Variants in CTNNA3 observed in about 807,000 individuals in gnomAD.
CTNNA3 encodes catenin alpha 3, also known as catenin alpha-3.
CTNNA3 carries 76 observed loss-of-function variants against 95.7 expected under a neutral mutation model. The observed-to-expected ratio is 0.79, with a 90% CI of 0.66 to 0.96. The LOEUF is 0.96. Ranked by LOEUF, CTNNA3 falls within the 40% of genes least tolerant of loss-of-function variation. The pLI is 0.00. For missense variants in CTNNA3, 1,191 were observed against 1,089.8 expected (o/e 1.09, Z -1.31); for synonymous variants, 431 against 374.4 (o/e 1.15, Z -1.74).
chr10:65,914,680 CA>C lies in CTNNA3; in HGVS notation c.*5649del, dbSNP rs982905506. On this transcript the variant is annotated 3_prime_UTR_variant, in exon 18 of 18. Transcript: ENST00000433211. ...TAAAAGAGGAAAGGATTGGTGTTAA[CA>C]AATGGTATTAACCAACCAATACTGA... 1 of 152,146 alleles carries C rather than the reference CA, an allele frequency of 6.6e-6. No individual in the cohort carries two copies. Among genetic ancestry groups the C allele is most frequent in the Non-Finnish European group, 1.5e-5 (1 of 68,024 alleles). The allele number at this position is 152,146 out of a possible 1,614,324, so 9.4% of individuals were successfully genotyped here. A position where few individuals can be genotyped will look rare whatever the true frequency, so the allele number is the denominator to read the frequency against.
intron 14 of CTNNA3, among the ~76,000 whole-genome samples, chr10:66,092,614 G>A (rs545572290): frequency 6.6e-6 from 1 of 152,080 alleles, no homozygotes; most frequent in African/African-American, 2.4e-5. Context: ...TAAGTAGCAA[G>A]TAAGTCACAT....
intron 1 of CTNNA3, among the ~76,000 whole-genome samples, chr10:67,714,650 C>G (rs1458087176): frequency 6.6e-6 from 1 of 152,148 alleles, no homozygotes; most frequent in East Asian, 1.9e-4. Context: ...GTTGAGAAGG[C>G]ATGACTGGTT....
chr10:66,276,507 G>T (rs1381372143), intron 13 of CTNNA3, among the ~76,000 whole-genome samples: 1 of 151,666 alleles, frequency 6.6e-6, no homozygotes. Flanking sequence ...TGTTTTAAGG[G>T]GTCTATAAAA....
At chr10:67,078,058 G>C (rs1390932076) in intron 7 of CTNNA3, among the ~76,000 whole-genome samples, 4 of 152,102 alleles carry the variant, frequency 2.6e-5, no homozygotes, top group Non-Finnish European at 5.9e-5. Flanking sequence ...ACAGACCAGG[G>C]TCATACTTGG....
At chr10:67,610,106 A>C (rs1203272168) in intron 2 of CTNNA3, among the ~76,000 whole-genome samples, 2 of 152,216 alleles carry the variant, frequency 1.3e-5, no homozygotes. Flanking sequence ...TCATTGTCTG[A>C]AGTGTTCCCT....
intron 1 of CTNNA3, among the ~76,000 whole-genome samples, chr10:67,722,564 G>A (rs1245603930): frequency 6.6e-6 from 1 of 152,102 alleles, no homozygotes; most frequent in Non-Finnish European, 1.5e-5. Flanking sequence ...AGTAGCTTGG[G>A]ACTGTATTGA....
intron 17 of CTNNA3, among the ~76,000 whole-genome samples, chr10:65,946,425 TTCTC>T (rs149739298): frequency 0.026 from 3,985 of 152,012 alleles, 153 homozygotes; most frequent in African/African-American, 0.09. Context: ...CTGTCTCTGT[TTCTC>T]TCTCTCTCAC....
chr10:66,125,291 G>A (rs1051111427), intron 13 of CTNNA3, among the ~76,000 whole-genome samples: 5 of 152,034 alleles, frequency 3.3e-5, no homozygotes, highest in African/African-American at 1.2e-4. Context: ...TTGTAGCATT[G>A]AGGTAAATTA....
intron 7 of CTNNA3, among the ~76,000 whole-genome samples, chr10:67,126,152 T>C (rs1859711624): frequency 6.6e-6 from 1 of 152,200 alleles, no homozygotes; most frequent in South Asian, 2.1e-4. Flanking sequence ...CATGAGAGGT[T>C]TCAGGACAGC....
At chr10:67,376,637 T>G (rs1843700345) in intron 5 of CTNNA3, among the ~76,000 whole-genome samples, 1 of 152,240 alleles carries the variant, frequency 6.6e-6, no homozygotes, top group South Asian at 2.1e-4. Context: ...TTCAGCTTTA[T>G]GTTATGCTAT....
At chr10:67,123,269 C>G (rs765089206) in intron 7 of CTNNA3, among the ~76,000 whole-genome samples, 2 of 152,072 alleles carry the variant, frequency 1.3e-5, no homozygotes, top group Non-Finnish European at 2.9e-5. Flanking sequence ...CAGGTCTCTG[C>G]ATTTAATTTG....
chr10:67,582,809 T>C (rs956322021), intron 3 of CTNNA3, among the ~76,000 whole-genome samples: 3 of 152,194 alleles, frequency 2.0e-5, no homozygotes, highest in African/African-American at 7.2e-5. Flanking sequence ...TTTACCATTA[T>C]ACAATGGCCT....
chr10:66,033,781 A>G (rs984504375), intron 15 of CTNNA3, among the ~76,000 whole-genome samples: 1 of 152,140 alleles, frequency 6.6e-6, no homozygotes, highest in African/African-American at 2.4e-5. Context: ...ACCCAACCAG[A>G]TGACATTTTT....
chr10:67,656,413 ATCCCTAGACTATAGGGCATCAT>A (rs1840027375), intron 1 of CTNNA3, among the ~76,000 whole-genome samples: 1 of 152,226 alleles, frequency 6.6e-6, no homozygotes, highest in Non-Finnish European at 1.5e-5. Flanking sequence ...GATCAGACGT[ATCCCTAGACTATAGGGCATCAT>A]TCATTTATTC....
At chr10:66,185,470 T>C (rs2086284539) in intron 13 of CTNNA3, among the ~76,000 whole-genome samples, 1 of 151,970 alleles carries the variant, frequency 6.6e-6, no homozygotes, top group Non-Finnish European at 1.5e-5. Context: ...AACAATGCAT[T>C]TGAAAAAAAT....
In CTNNA3 at chr10:67,637,228, G is replaced by A. The variant is rs141598789; in HGVS notation, c.99+10187C>T. 4.7e-3 allele frequency among the ~76,000 whole-genome samples: 709 copies of A among 152,236 alleles called. 4 individuals carry two copies. The highest frequency in any genetic ancestry group is 0.01 in the Middle Eastern group (3 of 294). ...ACTACGTGACGAATGCACAAGCTTC[G>A]GCAGCTGATTCGATCAACTGGAAGA... is the stretch of plus-strand genomic sequence containing the variant. On this transcript the variant is annotated intron_variant, in intron 2 of 17. Transcript: ENST00000433211.
intron 2 of CTNNA3, among the ~76,000 whole-genome samples, chr10:67,610,910 A>G (rs144525857): frequency 5.1e-4 from 77 of 152,274 alleles, no homozygotes; most frequent in African/African-American, 1.6e-3. Context: ...AAAATCTCCA[A>G]GCTTGCAGCA....
intron 13 of CTNNA3, among the ~76,000 whole-genome samples, chr10:66,129,198 A>C (rs940213236): frequency 6.6e-6 from 1 of 152,194 alleles, no homozygotes; most frequent in African/African-American, 2.4e-5. Context: ...TGGGAGGTGG[A>C]GGTTGCAGTG....
At chr10:65,990,372 C>T (rs2133332410) in intron 15 of CTNNA3, among the ~76,000 whole-genome samples, 1 of 149,926 alleles carries the variant, frequency 6.7e-6, no homozygotes, top group Middle Eastern at 3.5e-3. Context: ...CCCTTTTCAA[C>T]ATACCTTTGC....
Sources: allele counts gnomAD v4.1 joint callset (sites outside exome capture counted in the v4.1 genomes callset), GRCh38; gene constraint gnomAD v4.1.1; transcripts MANE v1.5; gene names NCBI Gene and HGNC (gene_info 2026-07-23, HGNC 2026-07-21).